POLA2: variants seen among roughly 807,000 people sequenced by gnomAD.
The protein encoded by POLA2 is DNA polymerase alpha 2, accessory subunit.
Under a neutral mutation model 82.8 loss-of-function variants are expected in POLA2, and 47 were observed. The observed-to-expected ratio is 0.57, with a 90% CI of 0.45 to 0.72. The LOEUF is 0.72. Among genes scored for constraint, POLA2 ranks in the 30% least tolerant of loss-of-function variants. The pLI is 0.00. For synonymous variants in POLA2, 287 were observed against 286.8 expected (o/e 1.00, Z -0.01); for missense variants, 634 against 728.1 (o/e 0.87, Z 1.49).
chr11:65,287,884 AT>A (rs758737221), intron 11 of POLA2, 44 bp downstream of exon 11: 16 of 1,584,754 alleles, frequency 1.0e-5, no homozygotes, highest in Non-Finnish European at 3.4e-6. Flanking sequence ...GCCTTGGAAA[AT>A]GGCTTTAATG....
At chr11:65,281,841 T>G in intron 9 of POLA2, 109 bp downstream of exon 9, 4 of 887,962 alleles carry the variant, frequency 4.5e-6, no homozygotes, top group Non-Finnish European at 5.6e-6. Flanking sequence ...TATTTGTTAG[T>G]CAGTTCTCCA....
chr11:65,289,454 C>T (rs1355003173), intron 12 of POLA2, among the ~76,000 whole-genome samples: 1 of 152,232 alleles, frequency 6.6e-6, no homozygotes, highest in Non-Finnish European at 1.5e-5. Flanking sequence ...TCTTGCTGTC[C>T]TTTGCATAAA....
At chr11:65,269,804 T>TA (rs1287608484) in intron 4 of POLA2, among the ~76,000 whole-genome samples, 2 of 152,202 alleles carry the variant, frequency 1.3e-5, no homozygotes, top group Non-Finnish European at 2.9e-5. Context: ...CTATGCAATG[T>TA]ATTCAGTAAT....
At chr11:65,277,350 A>G (rs1247430199) in intron 5 of POLA2, among the ~76,000 whole-genome samples, 2 of 151,674 alleles carry the variant, frequency 1.3e-5, no homozygotes, top group Admixed American at 6.6e-5. Context: ...GCTAATTTTT[A>G]TAATTTTTGT....
At chr11:65,286,072 G>A (rs563395705) in intron 10 of POLA2, among the ~76,000 whole-genome samples, 10 of 152,260 alleles carry the variant, frequency 6.6e-5, no homozygotes, top group African/African-American at 2.4e-4. Flanking sequence ...GGATTAGCCT[G>A]GATTATCCAG....
intron 10 of POLA2, among the ~76,000 whole-genome samples, chr11:65,284,150 G>C (rs111868793): frequency 0.01 from 1,566 of 151,684 alleles, 23 homozygotes; most frequent in African/African-American, 0.035. Context: ...TAGATAGATA[G>C]ATAGATAGAT....
At chr11:65,276,472 A>T (rs1949580938) in intron 5 of POLA2, among the ~76,000 whole-genome samples, 1 of 152,090 alleles carries the variant, frequency 6.6e-6, no homozygotes. Context: ...TCAGGTTAGA[A>T]CTAGTTTCTG....
At chr11:65,288,243 G>GGTT (rs1949718048) in intron 11 of POLA2, among the ~76,000 whole-genome samples, 1 of 152,156 alleles carries the variant, frequency 6.6e-6, no homozygotes, top group African/African-American at 2.4e-5. Flanking sequence ...GGGAAGCAGA[G>GGTT]GTTGCAGTGA....
Position 65,294,616 on chromosome 11 carries a change from A to G in POLA2, c.1424A>G (p.Asp475Gly), listed in dbSNP as rs1949790459. 1 of 1,613,908 alleles carries G rather than the reference A, an allele frequency of 6.2e-7. No homozygotes were observed. Among genetic ancestry groups the G allele is most frequent in the Non-Finnish European group, 8.5e-7 (1 of 1,179,954 alleles). The change falls in exon 15 of 18, where the codon GAT becomes GGT. Residue 475 changes from aspartate (D) to glycine (G), a missense_variant. Transcript: ENST00000265465. The part of the protein sequence containing the change: ...NGVIFGLTST[D>G]LLFHLGAEEI... ...GTGATCTTCGGCTTGACATCCACAG[A>G]TCTGCTTTTCCACCTGGGGGCCGAG...
chr11:65,294,524 T>C (rs1434147139), intron 14 of POLA2, 22 bp from the exon 15 acceptor site: 3 of 1,581,978 alleles, frequency 1.9e-6, no homozygotes, highest in Non-Finnish European at 2.6e-6. Context: ...CAAATGTTTG[T>C]TTCAATCCGT....
chr11:65,272,240 C>T (rs1374049025), intron 4 of POLA2, among the ~76,000 whole-genome samples: 1 of 152,004 alleles, frequency 6.6e-6, no homozygotes, highest in African/African-American at 2.4e-5. Flanking sequence ...ACCCAGGAGG[C>T]GGAGGTTGCA....
At chr11:65,289,748 A>T (rs762969600) in intron 12 of POLA2, 51 bp from the exon 13 acceptor site, 2 of 1,237,268 alleles carry the variant, frequency 1.6e-6, no homozygotes, top group South Asian at 2.5e-5. Context: ...AAACAAGTGA[A>T]TAAACACCAA....
chr11:65,297,258 G>C lies in POLA2; in HGVS notation c.1786G>C (p.Val596Leu), dbSNP rs768645353. 1.2e-5 allele frequency: 19 copies of C among 1,607,470 alleles called. No homozygotes were observed. Among genetic ancestry groups the C allele is most frequent in the Non-Finnish European group, 1.4e-5 (17 of 1,176,676 alleles). ...GAGCCCATGCATTGCTGTGCAGGTCGTCAGGATCTGAGGCTTCTGTCCTCT... is the reference window on the plus strand; with the variant it reads ...GAGCCCATGCATTGCTGTGCAGGTCCTCAGGATCTGAGGCTTCTGTCCTCT... The part of the protein sequence containing the change: ...RQSPCIAVQV[V>L]RI The change falls in exon 18 of 18, where the codon GTC (valine) becomes CTC (leucine). Residue 596 changes from valine (V) to leucine (L), a missense_variant. Physicochemically the swap from Val to Leu is conservative, Grantham distance 32 (BLOSUM62 1). Transcript: ENST00000265465.
intron 12 of POLA2, 45 bp downstream of exon 12, chr11:65,289,133 G>A (rs998230013): frequency 1.2e-5 from 18 of 1,500,430 alleles, no homozygotes; most frequent in Non-Finnish European, 1.7e-5. Context: ...CTTGAATCCA[G>A]TCAGGCTCTC....
Position 65,294,592 on chromosome 11 carries a change from T to A in POLA2, c.1400T>A (p.Val467Glu). 6.8e-6 allele frequency: 11 copies of A among 1,614,094 alleles called. No homozygotes were observed. The highest frequency in any genetic ancestry group is 8.5e-6 in the Non-Finnish European group (10 of 1,180,000). Residue 467 changes from valine (V) to glutamate (E), a missense_variant, in exon 15 of 18, where the codon GTG becomes GAG. Transcript: ENST00000265465. ...SEPCSLSING[V>E]IFGLTSTDLL... is the part of the protein sequence containing the mutation. The stretch of plus-strand genomic sequence containing the variant: ...CCCTGCAGCCTCTCCATAAACGGAG[T>A]GATCTTCGGCTTGACATCCACAGAT...
intron 5 of POLA2, among the ~76,000 whole-genome samples, chr11:65,278,171 A>T (rs1949601104): frequency 1.3e-5 from 2 of 152,236 alleles, no homozygotes; most frequent in African/African-American, 4.8e-5. Flanking sequence ...TGAGCCTAGA[A>T]AAATGGGAAT....
intron 7 of POLA2, 105 bp downstream of exon 7, chr11:65,279,731 G>C: frequency 1.2e-6 from 1 of 801,140 alleles, no homozygotes. Context: ...CTGTGTTCTA[G>C]TTTGAACATC....
downstream of POLA2, among the ~76,000 whole-genome samples, chr11:65,299,915 C>T (rs1949850285): frequency 6.6e-6 from 1 of 152,168 alleles, no homozygotes; most frequent in Non-Finnish European, 1.5e-5. Context: ...TGGTCTCAAA[C>T]TCCTGACCTC....
chr11:65,262,290 A>G lies in POLA2; in HGVS notation c.-3A>G. ...GGCTCCCCGGCCCCTGGCTTGGGCG[A>G]CCATGTCCGCATCCGCCCAGCAGCT... On this transcript the variant is annotated 5_prime_UTR_variant, in exon 1 of 18. Transcript: ENST00000265465. The G allele has an allele frequency of 6.2e-7, 1 of 1,612,160 alleles. No homozygotes were observed. The highest frequency in any genetic ancestry group is 8.5e-7 in the Non-Finnish European group (1 of 1,179,228).
Sources: gnomAD v4.1 joint callset for allele counts (sites outside exome capture counted in the v4.1 genomes callset) on GRCh38, gnomAD v4.1.1 for gene constraint, MANE v1.5 for transcripts, NCBI Gene and HGNC (gene_info 2026-07-23, HGNC 2026-07-21) for gene names.